The following ADAM32 variants were observed in gnomAD, a reference collection of about 807,000 sequenced individuals.
ADAM32 encodes the protein ADAM metallopeptidase domain 32.
ADAM32 carries 89 observed loss-of-function variants against 114.9 expected under a neutral mutation model. That is an observed-to-expected ratio of 0.77 (90% CI 0.65 to 0.92). The LOEUF (loss-of-function observed/expected upper bound fraction) is 0.92. ADAM32 is among the 40% of genes least tolerant of loss of function. ADAM32 has a pLI of 0.00. For missense variants in ADAM32, 870 were observed against 932.8 expected, an observed-to-expected ratio of 0.93 and a Z score of 0.88; for synonymous variants, 285 against 307.5, an observed-to-expected ratio of 0.93 and a Z score of 0.77.
intron 16 of ADAM32, among the ~76,000 whole-genome samples, chr8:39,245,866 GTAATAA>G (rs957536511): frequency 1.3e-5 from 2 of 152,016 alleles, no homozygotes; most frequent in African/African-American, 4.8e-5. Context: ...AAGAAACATA[GTAATAA>G]TAATATCAAT....
At chr8:39,141,450 C>G (rs1434035771) in intron 3 of ADAM32, among the ~76,000 whole-genome samples, 1 of 152,122 alleles carries the variant, frequency 6.6e-6, no homozygotes, top group Non-Finnish European at 1.5e-5. Context: ...ATTATGAACC[C>G]AGTAGTCATT....
chr8:39,151,226 T>A (rs566070579), intron 5 of ADAM32, 151 bp from the exon 6 acceptor site: 8 of 609,548 alleles, frequency 1.3e-5, no homozygotes, highest in Middle Eastern at 4.5e-4. Context: ...ATTTGGGAAA[T>A]CTTTTGTCTC....
At chr8:39,219,206 C>A (rs1808785555) in intron 12 of ADAM32, among the ~76,000 whole-genome samples, 1 of 152,090 alleles carries the variant, frequency 6.6e-6, no homozygotes. Context: ...GCGCTGTGCA[C>A]TCTGCTGCCT....
chr8:39,246,383 G>A (rs1810921419), intron 17 of ADAM32, among the ~76,000 whole-genome samples: 1 of 152,102 alleles, frequency 6.6e-6, no homozygotes, highest in Non-Finnish European at 1.5e-5. Context: ...AATATATATT[G>A]TTATAATTGG....
chr8:39,134,280 A>C (rs1372922469), intron 2 of ADAM32, among the ~76,000 whole-genome samples: 1 of 151,902 alleles, frequency 6.6e-6, no homozygotes, highest in Admixed American at 6.6e-5. Context: ...CTCAGTGTGA[A>C]TTCCCAGTCT....
chr8:39,107,717 C>G, upstream of ADAM32: 1 of 1,549,432 alleles, frequency 6.5e-7, no homozygotes, highest in Non-Finnish European at 8.7e-7. Flanking sequence ...CGCGTCCCCG[C>G]GTCCCTGGCA....
At chr8:39,221,384 T>C (rs1808948970) in intron 12 of ADAM32, 2 of 450,922 alleles carry the variant, frequency 4.4e-6, no homozygotes, top group Non-Finnish European at 8.0e-6. Flanking sequence ...AAGTAGAGAA[T>C]ATAGTCCAGA....
At position 39,209,326 on chromosome 8, in the gene ADAM32, A is replaced by C. The variant is rs180998033; in HGVS notation, c.1053-1818A>C. On this transcript the variant is annotated intron_variant, in intron 11 of 24. Coordinates refer to ENST00000379907, the MANE Select transcript of ADAM32 (RefSeq NM_145004.7). ...TCCAGGAATTCTGCTTGATTTTTAA[A>C]CTTATTTCAATCTCTTTGTTAAGTA... Among the ~76,000 whole-genome samples the C allele has an allele frequency of 1.0e-3, 154 of 152,008 alleles. 2 individuals carry two copies. The highest frequency in any genetic ancestry group is 1.6e-3 in the Admixed American group (25 of 15,282).
At chr8:39,249,221 A>G (rs576197376) in intron 17 of ADAM32, among the ~76,000 whole-genome samples, 73 of 152,090 alleles carry the variant, frequency 4.8e-4, no homozygotes, top group Admixed American at 2.6e-3. Context: ...TGGCTTTTTA[A>G]TGTTAAATGC....
intron 17 of ADAM32, among the ~76,000 whole-genome samples, chr8:39,246,891 A>G (rs928792228): frequency 2.0e-5 from 3 of 152,162 alleles, no homozygotes; most frequent in Admixed American, 6.5e-5. Context: ...GCAACCACTT[A>G]TCTTATTACT....
intron 14 of ADAM32, among the ~76,000 whole-genome samples, chr8:39,229,626 G>T (rs371195234): frequency 3.9e-5 from 6 of 152,070 alleles, no homozygotes; most frequent in East Asian, 1.9e-4. Flanking sequence ...AATGGTAAAA[G>T]GCCTTGTCCA....
intron 1 of ADAM32, 165 bp downstream of exon 1, chr8:39,107,998 T>C: frequency 1.1e-6 from 1 of 933,780 alleles, no homozygotes. Context: ...GAGAAGCGAC[T>C]CAGGGCCCAG....
intron 2 of ADAM32, among the ~76,000 whole-genome samples, chr8:39,122,372 G>C (rs931763541): frequency 1.1e-4 from 17 of 152,102 alleles, no homozygotes; most frequent in African/African-American, 4.1e-4. Context: ...ACCTTAATCT[G>C]ATTGGACTGG....
intron 11 of ADAM32, among the ~76,000 whole-genome samples, chr8:39,205,993 TGTATCA>T (rs1185118794): frequency 2.0e-5 from 3 of 152,242 alleles, no homozygotes; most frequent in African/African-American, 7.2e-5. Context: ...GCACATCTGG[TGTATCA>T]GTTGCTTCTT....
At chr8:39,136,193 C>T (rs1247393181) in intron 2 of ADAM32, among the ~76,000 whole-genome samples, 3 of 152,144 alleles carry the variant, frequency 2.0e-5, no homozygotes, top group African/African-American at 7.2e-5. Flanking sequence ...AAGTCAAAGA[C>T]AATATTAAAT....
At chr8:39,195,127 A>C (rs867022368) in intron 11 of ADAM32, among the ~76,000 whole-genome samples, 2 of 152,126 alleles carry the variant, frequency 1.3e-5, no homozygotes, top group Non-Finnish European at 2.9e-5. Flanking sequence ...TCAGCCCAGC[A>C]TCTGTGTCTT....
chr8:39,237,007 G>A lies in ADAM32; in HGVS notation c.1818+2925G>A, dbSNP rs536528343. On this transcript the variant is annotated intron_variant, in intron 16 of 24. Transcript: ENST00000379907. ...GAAGCAGCTTGCCACTACAAACTTC[G>A]TGAAACACCCATAAAACTGTAAATG... 2.6e-5 allele frequency among the ~76,000 whole-genome samples: 4 copies of A among 152,228 alleles called. 1 individual carries two copies. The South Asian group carries it at 6.2e-4, about 24-fold the overall frequency.
intron 9 of ADAM32, chr8:39,169,432 A>G (rs1805057071): frequency 1.3e-5 from 2 of 152,498 alleles, no homozygotes; most frequent in Non-Finnish European, 2.9e-5. Flanking sequence ...AAGTTCTGAG[A>G]ATAGTGCTAT....
chr8:39,107,967 A>G (rs1839996406), intron 1 of ADAM32, 134 bp downstream of exon 1: 11 of 1,217,228 alleles, frequency 9.0e-6, no homozygotes, highest in Non-Finnish European at 1.2e-5. Flanking sequence ...TTTCCAGGGG[A>G]TTAGGCGCCC....
Sources: gnomAD v4.1 joint callset for allele counts (sites outside exome capture counted in the v4.1 genomes callset) on GRCh38, gnomAD v4.1.1 for gene constraint, MANE v1.5 for transcripts, NCBI Gene and HGNC (gene_info 2026-07-23, HGNC 2026-07-21) for gene names.